ZBTB40: variants seen among roughly 807,000 people sequenced by gnomAD.
The protein encoded by ZBTB40 is zinc finger and BTB domain containing 40, also known as zinc finger and BTB domain-containing protein 40.
ZBTB40 carries 60 observed loss-of-function variants against 117.5 expected under a neutral mutation model. That is an observed-to-expected ratio of 0.51 (90% CI 0.41 to 0.63). ZBTB40 has a LOEUF of 0.63. ZBTB40 is among the 30% of genes least tolerant of loss of function. The pLI, the probability that ZBTB40 is intolerant of heterozygous loss-of-function variation, is 0.00. For synonymous variants in ZBTB40, 525 were observed against 577.1 expected (o/e 0.91, Z 1.29); for missense variants, 1,287 against 1,498.5 (o/e 0.86, Z 2.33).
In ZBTB40 at chr1:22,528,253, G is replaced by T. The variant is rs370989676; in HGVS notation, c.*1857G>T. On this transcript the variant is annotated 3_prime_UTR_variant, in exon 18 of 18. Transcript: ENST00000375647. ...CCCTTGGCAGCAGAGAAAACCCACT[G>T]AAAGATCGTAGAGTGGCACATGCTT... 1 of 152,578 alleles carries T rather than the reference G, an allele frequency of 6.6e-6. No individual in the cohort carries two copies. The highest frequency in any genetic ancestry group is 1.5e-5 in the Non-Finnish European group (1 of 68,046). The allele number at this position is 152,578 out of a possible 1,614,324, so 9.5% of individuals were successfully genotyped here.
At chr1:22,468,291 G>T (rs1641306804) in intron 1 of ZBTB40, among the ~76,000 whole-genome samples, 1 of 151,974 alleles carries the variant, frequency 6.6e-6, no homozygotes, top group Non-Finnish European at 1.5e-5. Context: ...CGAGTCCACG[G>T]TCTAAAACAC....
chr1:22,459,048 G>C (rs966178544), intron 1 of ZBTB40, among the ~76,000 whole-genome samples: 14 of 152,274 alleles, frequency 9.2e-5, no homozygotes, highest in South Asian at 8.3e-4. Flanking sequence ...TGTCAGGTAA[G>C]AAATAATATT....
In ZBTB40 at chr1:22,460,839, A is replaced by T. The variant is rs569403854; in HGVS notation, c.-70+8835A>T. Among the ~76,000 whole-genome samples, 3 of 152,186 alleles carry T rather than the reference A, an allele frequency of 2.0e-5. No individual in the cohort carries two copies. The South Asian group carries it at 6.2e-4, about 32-fold the overall frequency. ...TCAAACTAGTATAGTATTATAGAAG[A>T]CTCTAATAGTAGTCTTCCCATCTAC... On this transcript the variant is annotated intron_variant, in intron 1 of 17. Coordinates refer to ENST00000375647, the MANE Select transcript of ZBTB40 (RefSeq NM_014870.4).
intron 5 of ZBTB40, among the ~76,000 whole-genome samples, chr1:22,504,749 A>C (rs1639034519): frequency 1.3e-5 from 2 of 152,264 alleles, no homozygotes; most frequent in South Asian, 4.1e-4. Context: ...TAAGGCTTGA[A>C]GAATTAAATA....
chr1:22,431,382 GTGTATATA>G (rs1409985001), intron 1 of ZBTB40, among the ~76,000 whole-genome samples: 165 of 15,508 alleles, frequency 0.011, 1 homozygote, highest in East Asian at 0.084. Flanking sequence ...GTGTGTGTGT[GTGTATATA>G]TATATATATA....
chr1:22,486,923 C>T (rs1251179286), intron 1 of ZBTB40, among the ~76,000 whole-genome samples: 5 of 151,962 alleles, frequency 3.3e-5, no homozygotes, highest in African/African-American at 1.2e-4. Flanking sequence ...TTAGTAGAGA[C>T]GAGGTTTTGC....
intron 1 of ZBTB40, among the ~76,000 whole-genome samples, chr1:22,473,934 C>T (rs1641479975): frequency 1.3e-5 from 2 of 152,136 alleles, no homozygotes; most frequent in African/African-American, 4.8e-5. Context: ...ATCTCGGAGC[C>T]TTAGTCCTCA....
intron 1 of ZBTB40, among the ~76,000 whole-genome samples, chr1:22,463,556 G>A (rs1042587868): frequency 2.6e-5 from 4 of 152,192 alleles, no homozygotes; most frequent in Non-Finnish European, 4.4e-5. Context: ...CTGACTGCAG[G>A]ATGGAAAAGT....
rs1639487860 is a variant in ZBTB40 at position 22,520,287 on chromosome 1, T to G, written c.3048+12T>G. 9 of 1,606,564 alleles carry G rather than the reference T, an allele frequency of 5.6e-6. No individual in the cohort carries two copies. The highest frequency in any genetic ancestry group is 7.6e-6 in the Non-Finnish European group (9 of 1,178,532). ...ACAAGGCCTACCAGGTGACCTCAGG[T>G]GCCACTGGGAGCTCTTCCCCTCACC... On this transcript the variant is annotated intron_variant, in intron 14 of 17. Coordinates refer to ENST00000375647, the MANE Select transcript of ZBTB40 (RefSeq NM_014870.4).
chr1:22,524,058 C>T (rs939152165), intron 16 of ZBTB40, among the ~76,000 whole-genome samples, 160 bp from the exon 17 acceptor site: 3 of 151,994 alleles, frequency 2.0e-5, no homozygotes, highest in Non-Finnish European at 4.4e-5. Context: ...TTCTTAAGGC[C>T]CCCCAGATTG....
intron 13 of ZBTB40, chr1:22,519,766 A>T (rs1639469514): frequency 4.6e-6 from 2 of 433,210 alleles, no homozygotes; most frequent in Admixed American, 7.0e-5. Flanking sequence ...AAAGTGATAA[A>T]GTGTAATTTA....
chr1:22,433,463 C>CAAAAAAAAAAAAAAAAAAAAAAAAAAAAA (rs1640628463), intron 1 of ZBTB40, among the ~76,000 whole-genome samples: 1 of 56,614 alleles, frequency 1.8e-5, no homozygotes, highest in Admixed American at 2.0e-4. Flanking sequence ...AAAAAGACAG[C>CAAAAAAAAAAAAAAAAAAAAAAAAAAAAA]TAAAAATATG....
chr1:22,503,483 C>T (rs1345673018), intron 5 of ZBTB40, among the ~76,000 whole-genome samples: 3 of 151,982 alleles, frequency 2.0e-5, no homozygotes, highest in Middle Eastern at 3.2e-3. Flanking sequence ...CCGTGGGAAG[C>T]GACTTAAGTG....
rs771581393 is a variant in ZBTB40 at position 22,509,215 on chromosome 1, G to C, written c.1815G>C (p.Leu605=). 3 of 1,614,142 alleles carry C rather than the reference G, an allele frequency of 1.9e-6. No individual in the cohort carries two copies. Among genetic ancestry groups the C allele is most frequent in the Non-Finnish European group, 2.5e-6 (3 of 1,180,000 alleles). Residue 605 remains leucine, a synonymous_variant, in exon 9 of 18, where the codon CTG becomes CTC. Coordinates refer to ENST00000375647, the MANE Select transcript of ZBTB40 (RefSeq NM_014870.4). ...YKLFTSEEEH[L]AETVKEILSI... ...TCTTTACCTCGGAGGAGGAGCACCT[G>C]GCAGAGACTGTGAAAGAGGTGTGGT... is the stretch of plus-strand genomic sequence containing the variant.
rs1641035734 is a variant in ZBTB40 at position 22,457,702 on chromosome 1, A to G, written c.-70+5698A>G. 2.0e-5 allele frequency among the ~76,000 whole-genome samples: 3 copies of G among 152,378 alleles called. No individual in the cohort carries two copies. The South Asian group carries it at 6.2e-4, about 32-fold the overall frequency. On this transcript the variant is annotated intron_variant, in intron 1 of 17. Coordinates refer to ENST00000375647, the MANE Select transcript of ZBTB40 (RefSeq NM_014870.4). Reference sequence around the variant, plus strand: ...GGTTATTTGTTGGTTAATATTTGTTAGCTAGTGTTAGCTATAGTGGGGTTA... The same window carrying G: ...GGTTATTTGTTGGTTAATATTTGTTGGCTAGTGTTAGCTATAGTGGGGTTA...
chr1:22,448,810 T>C (rs989484523), upstream of ZBTB40, among the ~76,000 whole-genome samples: 2 of 124,028 alleles, frequency 1.6e-5, no homozygotes, highest in African/African-American at 2.6e-5. Flanking sequence ...ATTTCTTTTT[T>C]TCTTTTTAAA....
At chr1:22,501,055 TA>T (rs2124443111) in intron 3 of ZBTB40, among the ~76,000 whole-genome samples, 1 of 152,280 alleles carries the variant, frequency 6.6e-6, no homozygotes, top group South Asian at 2.1e-4. Flanking sequence ...TTAAGTTTAT[TA>T]AAAATTCACT....
intron 1 of ZBTB40, among the ~76,000 whole-genome samples, chr1:22,478,722 C>T (rs549041397): frequency 6.6e-6 from 1 of 152,258 alleles, no homozygotes; most frequent in Non-Finnish European, 1.5e-5. Flanking sequence ...TGTTTTTAAT[C>T]TCCCCTTCCC....
At chr1:22,463,218 C>T (rs956684840) in intron 1 of ZBTB40, among the ~76,000 whole-genome samples, 1 of 152,132 alleles carries the variant, frequency 6.6e-6, no homozygotes, top group African/African-American at 2.4e-5. Context: ...TCTCTAGAGC[C>T]TGCGCGCCAC....
Sources: gnomAD v4.1 joint callset for allele counts (sites outside exome capture counted in the v4.1 genomes callset) on GRCh38, gnomAD v4.1.1 for gene constraint, MANE v1.5 for transcripts, NCBI Gene and HGNC (gene_info 2026-07-23, HGNC 2026-07-21) for gene names.